MAPK9: variants seen among roughly 807,000 people sequenced by gnomAD.
MAPK9 encodes the protein Jun kinase.
A neutral mutation model predicts 57.1 loss-of-function variants in MAPK9; 30 were observed. The ratio of observed to expected loss-of-function variants is 0.53; its 90% confidence interval spans 0.39 to 0.71. The LOEUF (loss-of-function observed/expected upper bound fraction) is 0.71, where lower values mean the gene tolerates loss of function less well. Ranked by LOEUF, MAPK9 falls within the 30% of genes least tolerant of loss-of-function variation. The pLI is 0.00. For missense variants in MAPK9, 362 were observed against 521.0 expected (o/e 0.69, Z 2.97); for synonymous variants, 155 against 177.0 (o/e 0.88, Z 0.99).
chr5:180,260,272 C>T (rs191984905), intron 5 of MAPK9, among the ~76,000 whole-genome samples: 15 of 152,312 alleles, frequency 9.8e-5, no homozygotes, highest in Non-Finnish European at 1.9e-4. Context: ...ATGATGTATG[C>T]AAACTGGAGA....
intron 7 of MAPK9, among the ~76,000 whole-genome samples, chr5:180,245,556 GGAGGGATGGGGGACAGATGA>G (rs1758017613): frequency 6.6e-6 from 1 of 152,174 alleles, no homozygotes; most frequent in South Asian, 2.1e-4. Context: ...CCTACAGGTG[GGAGGGATGGGGGACAGATGA>G]GAGGGACGGG....
chr5:180,248,098 C>T (rs1010154478), intron 6 of MAPK9, among the ~76,000 whole-genome samples: 1 of 152,264 alleles, frequency 6.6e-6, no homozygotes, highest in Non-Finnish European at 1.5e-5. Flanking sequence ...GTCAGAAAGG[C>T]AGCAGCACTC....
At chr5:180,267,358 G>A (rs974310108) in intron 3 of MAPK9, among the ~76,000 whole-genome samples, 4 of 151,944 alleles carry the variant, frequency 2.6e-5, no homozygotes, top group East Asian at 1.9e-4. Flanking sequence ...TCAGGAGATC[G>A]AGACCATCCT....
chr5:180,276,026 G>A (rs571201618), intron 2 of MAPK9, among the ~76,000 whole-genome samples: 9 of 152,206 alleles, frequency 5.9e-5, no homozygotes, highest in Middle Eastern at 3.4e-3. Flanking sequence ...TGAAAATATT[G>A]AGGCCCATAA....
At chr5:180,243,824 G>T (rs1032606691) in intron 7 of MAPK9, among the ~76,000 whole-genome samples, 7 of 152,128 alleles carry the variant, frequency 4.6e-5, no homozygotes, top group Admixed American at 4.6e-4. Context: ...TGTGAAAACT[G>T]TCTCACACCT....
intron 10 of MAPK9, among the ~76,000 whole-genome samples, chr5:180,239,489 A>G (rs1757473323): frequency 1.3e-5 from 2 of 152,290 alleles, no homozygotes; most frequent in Non-Finnish European, 2.9e-5. Context: ...CAACCTCTTC[A>G]TTACAGGTAT....
At chr5:180,274,463 G>A (rs1347941815) in intron 2 of MAPK9, among the ~76,000 whole-genome samples, 2 of 152,222 alleles carry the variant, frequency 1.3e-5, no homozygotes, top group African/African-American at 4.8e-5. Context: ...GCATGCCACT[G>A]CTGCCTTGAA....
At chr5:180,275,970 G>T (rs1461850634) in intron 2 of MAPK9, among the ~76,000 whole-genome samples, 1 of 152,032 alleles carries the variant, frequency 6.6e-6, no homozygotes, top group Non-Finnish European at 1.5e-5. Context: ...ACAGGTGTTC[G>T]GGCCACCATC....
chr5:180,270,900 G>C (rs1483535813), intron 2 of MAPK9, among the ~76,000 whole-genome samples: 1 of 149,362 alleles, frequency 6.7e-6, no homozygotes. Context: ...AAAAGAATTT[G>C]AAAACAGACA....
At position 180,241,087 on chromosome 5, in the gene MAPK9, C is replaced by T. The variant is rs992813520; in HGVS notation, c.940G>A (p.Glu314Lys). 3 of 1,614,112 alleles carry T rather than the reference C, an allele frequency of 1.9e-6. No homozygotes were observed. Among genetic ancestry groups the T allele is most frequent in the Non-Finnish European group, 2.5e-6 (3 of 1,180,000 alleles). The change falls in exon 9 of 12, where the codon GAA becomes AAA. Residue 314 changes from glutamate to lysine, a missense_variant. This residue lies in a region of MAPK9 where 199 missense variants were observed against 251.3 expected (regional missense o/e 0.79). Coordinates refer to ENST00000452135, the MANE Select transcript of MAPK9 (RefSeq NM_002752.5). ...GTGATGTATGGGTGACGCAGAGCTT[C>T]GTCTACAGAGATCCGCTTGTCAGGA... ...IDPDKRISVDEALRHPYITVW... is the reference protein window; with the variant it reads ...IDPDKRISVDKALRHPYITVW...
At chr5:180,240,912 TG>T in intron 9 of MAPK9, 118 bp downstream of exon 9, 1 of 1,260,630 alleles carries the variant, frequency 7.9e-7, no homozygotes, top group Non-Finnish European at 1.0e-6. Context: ...TTTCTGTAAC[TG>T]GGAGCCCCCA....
chr5:180,244,778 GAAAAAAA>G (rs77077681), intron 7 of MAPK9, among the ~76,000 whole-genome samples: 26 of 127,390 alleles, frequency 2.0e-4, no homozygotes, highest in African/African-American at 7.8e-4. Flanking sequence ...TGTCTCAAAG[GAAAAAAA>G]AAAAAAAAAA....
At chr5:180,266,503 C>T (rs930584867) in intron 3 of MAPK9, among the ~76,000 whole-genome samples, 10 of 151,854 alleles carry the variant, frequency 6.6e-5, no homozygotes, top group Non-Finnish European at 1.2e-4. Context: ...TTAGTAGAGA[C>T]GGGGTTTCAC....
chr5:180,247,120 A>C lies in MAPK9; in HGVS notation c.688+319T>G, dbSNP rs774776017. The C allele has an allele frequency of 9.9e-5, 36 of 365,456 alleles. No individual in the cohort carries two copies. Among genetic ancestry groups the C allele is most frequent in the Middle Eastern group, 1.5e-3 (2 of 1,350 alleles). The allele number at this position is 365,456 out of a possible 1,614,324, so 22.6% of individuals were successfully genotyped here. On this transcript the variant is annotated intron_variant, in intron 7 of 11. Transcript: ENST00000452135. This position sits in a 1 kb window ranked among gnomAD's most constrained non-coding sequence, Gnocchi z 4.5. ...TAAATAATACAGTATTTTCATTTAAATATCAGAATATACTTATCAAAGAGT... is the reference window on the plus strand; with the variant it reads ...TAAATAATACAGTATTTTCATTTAACTATCAGAATATACTTATCAAAGAGT...
At chr5:180,286,372 C>A (rs534831978) in intron 1 of MAPK9, among the ~76,000 whole-genome samples, 3 of 151,112 alleles carry the variant, frequency 2.0e-5, no homozygotes, top group Non-Finnish European at 4.4e-5. Context: ...TCTCGATCTC[C>A]TGACCTTATG....
intron 5 of MAPK9, chr5:180,257,552 C>A (rs1759419864): frequency 6.6e-6 from 1 of 152,370 alleles, no homozygotes; most frequent in Admixed American, 6.5e-5. Context: ...TAGTCTCACT[C>A]AGTATTTTAA....
intron 2 of MAPK9, among the ~76,000 whole-genome samples, chr5:180,278,424 G>A (rs547484257): frequency 1.8e-3 from 277 of 152,356 alleles, no homozygotes; most frequent in African/African-American, 6.4e-3. Flanking sequence ...CCTGTAGGCC[G>A]GGCGCAGTGG....
chr5:180,258,124 A>C (rs369688507), intron 5 of MAPK9: 4 of 152,264 alleles, frequency 2.6e-5, no homozygotes, highest in African/African-American at 9.6e-5. Context: ...AGTAATTTAC[A>C]ACGGAGAAAA....
At position 180,236,529 on chromosome 5, in the gene MAPK9, G is replaced by C; in HGVS notation, c.1133-3C>G. 1 of 1,611,746 alleles carries C rather than the reference G, an allele frequency of 6.2e-7. No individual in the cohort carries two copies. Among genetic ancestry groups the C allele is most frequent in the Non-Finnish European group, 8.5e-7 (1 of 1,178,336 alleles). On this transcript the variant is annotated splice_region_variant and splice_polypyrimidine_tract_variant and intron_variant, in intron 11 of 11. Coordinates refer to ENST00000452135, the MANE Select transcript of MAPK9 (RefSeq NM_002752.5). The stretch of plus-strand genomic sequence containing the variant: ...GGCGTTGCTACTTACTGCTGCATCT[G>C]TGCTAAGAAAACCAAATATAATAAA...
Sources: gnomAD v4.1 joint callset for allele counts (sites outside exome capture counted in the v4.1 genomes callset) on GRCh38, gnomAD v4.1.1 for gene constraint, gnomAD v4.1.1 regional missense constraint, Gnocchi (gnomAD v3.1) non-coding constraint, MANE v1.5 for transcripts, NCBI Gene and HGNC (gene_info 2026-07-23, HGNC 2026-07-21) for gene names.